Variants in SSBP3 observed in about 807,000 individuals in gnomAD.
The protein encoded by SSBP3 is single stranded DNA binding protein 3.
Under a neutral mutation model 69.6 loss-of-function variants are expected in SSBP3, and 5 were observed. That is an observed-to-expected ratio of 0.07 (90% CI 0.04 to 0.15). SSBP3 has a LOEUF of 0.15. SSBP3 is among the 10% of genes least tolerant of loss of function. The pLI is 1.00. For synonymous variants in SSBP3, 196 were observed against 193.4 expected, an observed-to-expected ratio of 1.01 and a Z score of -0.11; for missense variants, 312 against 534.0, an observed-to-expected ratio of 0.58 and a Z score of 4.10.
intron 6 of SSBP3, chr1:54,257,405 G>A: frequency 2.0e-6 from 1 of 505,314 alleles, no homozygotes; most frequent in Non-Finnish European, 3.4e-6. Context: ...ATTTGTTCGT[G>A]GAGATCTACT....
At chr1:54,301,711 G>A (rs1251514428) in intron 4 of SSBP3, among the ~76,000 whole-genome samples, 1 of 152,182 alleles carries the variant, frequency 6.6e-6, no homozygotes, top group African/African-American at 2.4e-5. Context: ...AGAGCCAAGC[G>A]AGGCTGAGCA....
At chr1:54,379,914 T>C (rs1046942275) in intron 4 of SSBP3, among the ~76,000 whole-genome samples, 4 of 152,186 alleles carry the variant, frequency 2.6e-5, no homozygotes, top group African/African-American at 9.7e-5. Context: ...AGGCTTTCAC[T>C]CTGTGCCTCA....
chr1:54,288,134 C>T (rs908576897), intron 4 of SSBP3, among the ~76,000 whole-genome samples: 12 of 152,140 alleles, frequency 7.9e-5, no homozygotes, highest in Non-Finnish European at 1.5e-4. Context: ...TCGCTCCCAG[C>T]GGAGACATGG....
At chr1:54,337,934 A>G (rs1646539269) in intron 4 of SSBP3, among the ~76,000 whole-genome samples, 1 of 152,182 alleles carries the variant, frequency 6.6e-6, no homozygotes. Flanking sequence ...TTCAAGACCA[A>G]CCTGGACAAC....
At position 54,382,829 on chromosome 1, in the gene SSBP3, T is replaced by C. The variant is rs189170695; in HGVS notation, c.276+19032A>G. Among the ~76,000 whole-genome samples, 6 of 151,444 alleles carry C rather than the reference T, an allele frequency of 4.0e-5. No homozygotes were observed. The East Asian group carries it at 9.8e-4, about 25-fold the overall frequency. On this transcript the variant is annotated intron_variant, in intron 4 of 17. Coordinates refer to ENST00000610401, the Ensembl canonical transcript of SSBP3. ...GGAGAAACCCCTTATCTACTAAAAATACAAAATTAGCTGGGCATGGTGGCG... is the reference window on the plus strand; with the variant it reads ...GGAGAAACCCCTTATCTACTAAAAACACAAAATTAGCTGGGCATGGTGGCG...
chr1:54,335,778 C>T (rs1371933839), intron 4 of SSBP3: 2 of 152,274 alleles, frequency 1.3e-5, no homozygotes, highest in Non-Finnish European at 2.9e-5. Context: ...AGAGAAACAG[C>T]AAGGGGCTGG....
At chr1:54,393,414 G>C (rs552936720) in intron 4 of SSBP3, among the ~76,000 whole-genome samples, 1 of 152,286 alleles carries the variant, frequency 6.6e-6, no homozygotes, top group African/African-American at 2.4e-5. Flanking sequence ...ACGTCATTCT[G>C]CTGGCCCCTT....
intron 4 of SSBP3, among the ~76,000 whole-genome samples, chr1:54,341,143 TGAGG>T (rs1646599366): frequency 1.3e-5 from 2 of 152,212 alleles, no homozygotes. Flanking sequence ...GCAATTAAAC[TGAGG>T]CTCAAGTAGA....
At chr1:54,279,967 C>A (rs917515670) in intron 5 of SSBP3, among the ~76,000 whole-genome samples, 4 of 152,236 alleles carry the variant, frequency 2.6e-5, no homozygotes, top group South Asian at 4.1e-4. Flanking sequence ...AGCTCACACA[C>A]CTATTTCTGG....
intron 4 of SSBP3, among the ~76,000 whole-genome samples, chr1:54,372,258 A>T (rs893905695): frequency 1.3e-5 from 2 of 152,218 alleles, no homozygotes; most frequent in Admixed American, 1.3e-4. Context: ...AAACTACCTC[A>T]TGTTGAAAGC....
At chr1:54,378,473 G>C (rs1647359909) in intron 4 of SSBP3, among the ~76,000 whole-genome samples, 1 of 152,338 alleles carries the variant, frequency 6.6e-6, no homozygotes, top group Non-Finnish European at 1.5e-5. Context: ...CCTTTACCAG[G>C]GAAAGGGGTG....
At chr1:54,316,151 T>C (rs887880991) in intron 4 of SSBP3, among the ~76,000 whole-genome samples, 4 of 151,178 alleles carry the variant, frequency 2.6e-5, no homozygotes, top group Non-Finnish European at 5.9e-5. Flanking sequence ...AAGACCATCC[T>C]GGCTAGCACA....
chr1:54,228,418 G>GC, intron 16 of SSBP3, 31 bp downstream of exon 16: 4 of 1,614,216 alleles, frequency 2.5e-6, no homozygotes, highest in Non-Finnish European at 3.4e-6. Flanking sequence ...CACAGATGGG[G>GC]CGCCGCCAGG....
intron 5 of SSBP3, among the ~76,000 whole-genome samples, chr1:54,270,631 A>C (rs1645176396): frequency 6.6e-6 from 1 of 152,156 alleles, no homozygotes; most frequent in Non-Finnish European, 1.5e-5. Flanking sequence ...AAGAGGAGAA[A>C]CCCTGAGGCA....
At chr1:54,406,502 C>CGGGCCGGCTGGGA (rs1553151840), upstream of SSBP3, 2 of 152,368 alleles carry the variant, frequency 1.3e-5, no homozygotes, top group East Asian at 1.9e-4. Flanking sequence ...GGGGCGGGCC[C>CGGGCCGGCTGGGA]GGGCCGGCTG....
At chr1:54,322,399 C>G (rs542499385) in intron 4 of SSBP3, among the ~76,000 whole-genome samples, 1 of 152,124 alleles carries the variant, frequency 6.6e-6, no homozygotes, top group Non-Finnish European at 1.5e-5. Flanking sequence ...CAGACAATGG[C>G]TAGCCTTCTC....
intron 5 of SSBP3, among the ~76,000 whole-genome samples, chr1:54,280,761 CA>C (rs547647868): frequency 1.9e-4 from 26 of 135,140 alleles, no homozygotes; most frequent in African/African-American, 6.2e-4. Context: ...CCCAACCTGG[CA>C]AAACAGAAAG....
intron 14 of SSBP3, among the ~76,000 whole-genome samples, chr1:54,234,358 A>T (rs1644448428): frequency 6.7e-6 from 1 of 150,186 alleles, no homozygotes; most frequent in South Asian, 2.1e-4. Flanking sequence ...AAATAAATTA[A>T]AAAAAATAAA....
upstream of SSBP3, among the ~76,000 whole-genome samples, chr1:54,406,635 C>T (rs1022275258): frequency 1.3e-5 from 2 of 151,948 alleles, no homozygotes; most frequent in Non-Finnish European, 2.9e-5. Context: ...TTTCTGTCGC[C>T]GGGGCGGTGG....
Sources: gnomAD v4.1 joint callset for allele counts (sites outside exome capture counted in the v4.1 genomes callset) on GRCh38, gnomAD v4.1.1 for gene constraint, MANE v1.5 for transcripts, NCBI Gene and HGNC (gene_info 2026-07-23, HGNC 2026-07-21) for gene names.